PPM1B: variants seen among roughly 807,000 people sequenced by gnomAD.
PPM1B encodes protein phosphatase, Mg2+/Mn2+ dependent 1B, also known as protein phosphatase 1B.
Under a neutral mutation model 43.0 loss-of-function variants are expected in PPM1B, and 22 were observed. The ratio of observed to expected loss-of-function variants is 0.51; its 90% CI spans 0.37 to 0.73. PPM1B has a LOEUF of 0.73. Among genes scored for constraint, PPM1B ranks in the 30% least tolerant of loss-of-function variants. The pLI is 0.00. For synonymous variants in PPM1B, 217 were observed against 197.9 expected, an observed-to-expected ratio of 1.10 and a Z score of -0.81; for missense variants, 632 against 584.2, an observed-to-expected ratio of 1.08 and a Z score of -0.84.
intron 1 of PPM1B, among the ~76,000 whole-genome samples, chr2:44,175,042 C>T (rs1667516387): frequency 6.6e-6 from 1 of 152,092 alleles, no homozygotes; most frequent in South Asian, 2.1e-4. Context: ...ATTGTCTGAG[C>T]TCAGGAGTTC....
Position 44,231,386 on chromosome 2 carries a change from A to G in PPM1B, c.*668A>G. 1.0e-6 allele frequency: 1 copy of G among 973,050 alleles called. No homozygotes were observed. Among genetic ancestry groups the G allele is most frequent in the Non-Finnish European group, 1.2e-6 (1 of 818,764 alleles). 60.3% of individuals were successfully genotyped at this position (973,050 alleles called of 1,614,324 possible). A position where few individuals can be genotyped will look rare whatever the true frequency, so the allele number is the denominator to read the frequency against. ...TGTATATTCTGTATAGCCTAACTACACACATCAAAATGTATGTCAACCAAG... is the reference window on the plus strand; with the variant it reads ...TGTATATTCTGTATAGCCTAACTACGCACATCAAAATGTATGTCAACCAAG... On this transcript the variant is annotated 3_prime_UTR_variant, in exon 6 of 6. Coordinates refer to ENST00000282412, the MANE Select transcript of PPM1B (RefSeq NM_002706.6).
chr2:44,194,963 A>G (rs143281734), intron 1 of PPM1B, among the ~76,000 whole-genome samples: 1,833 of 149,368 alleles, frequency 0.012, 14 homozygotes, highest in Middle Eastern at 0.028. Context: ...CGGTGGCGCA[A>G]TCACTGCAGC....
chr2:44,234,261 C>G, downstream of PPM1B: 1 of 958,460 alleles, frequency 1.0e-6, no homozygotes, highest in Non-Finnish European at 1.2e-6. Flanking sequence ...TGGCTCACAC[C>G]TGTAATCCCA....
chr2:44,222,259 A>G (rs1670011065), intron 5 of PPM1B, among the ~76,000 whole-genome samples: 1 of 152,070 alleles, frequency 6.6e-6, no homozygotes, highest in South Asian at 2.1e-4. Context: ...ATACGGTGAA[A>G]GCTCAGTAAA....
intron 4 of PPM1B, among the ~76,000 whole-genome samples, 191 bp downstream of exon 4, chr2:44,218,269 T>C (rs1382869153): frequency 6.6e-6 from 1 of 152,202 alleles, no homozygotes; most frequent in African/African-American, 2.4e-5. Context: ...TATCATACTC[T>C]TTGAGTATGA....
intron 1 of PPM1B, among the ~76,000 whole-genome samples, chr2:44,182,549 C>T (rs1667931888): frequency 6.6e-6 from 1 of 152,206 alleles, no homozygotes; most frequent in African/African-American, 2.4e-5. Context: ...GAGTGAACCA[C>T]AGTGCCTGGC....
At chr2:44,187,061 A>C (rs57184508) in intron 1 of PPM1B, among the ~76,000 whole-genome samples, 2 of 152,190 alleles carry the variant, frequency 1.3e-5, no homozygotes, top group African/African-American at 4.8e-5. Flanking sequence ...CTGAAACTCT[A>C]TGCCCATTAA....
chr2:44,237,739 A>C (rs1037917515), downstream of PPM1B, among the ~76,000 whole-genome samples: 1 of 152,154 alleles, frequency 6.6e-6, no homozygotes, highest in African/African-American at 2.4e-5. Context: ...CCTATAATGC[A>C]TTTAAGATGA....
chr2:44,226,198 A>G (rs1471484641), intron 5 of PPM1B, among the ~76,000 whole-genome samples: 2 of 151,842 alleles, frequency 1.3e-5, no homozygotes, highest in East Asian at 1.9e-4. Context: ...GATGGTGTCC[A>G]TCTCTTGACC....
At chr2:44,240,821 C>T (rs1670728387) in intron 5 of PPM1B, among the ~76,000 whole-genome samples, 1 of 145,642 alleles carries the variant, frequency 6.9e-6, no homozygotes, top group African/African-American at 2.5e-5. Context: ...GAGTCCCGAG[C>T]TCCAGCAGCA....
chr2:44,214,256 T>G (rs1036161613), intron 3 of PPM1B, among the ~76,000 whole-genome samples: 1 of 152,148 alleles, frequency 6.6e-6, no homozygotes, highest in East Asian at 1.9e-4. Flanking sequence ...ATTTTTTGTA[T>G]TTTTAGTAGA....
chr2:44,205,891 A>AC (rs1328569113), intron 2 of PPM1B, among the ~76,000 whole-genome samples: 1 of 152,118 alleles, frequency 6.6e-6, no homozygotes, highest in Non-Finnish European at 1.5e-5. Context: ...AGAAAATGTA[A>AC]CCCCCTCAAT....
rs186936662 is a variant in PPM1B at position 44,227,643 on chromosome 2, C to T, written c.1135-2770C>T. On this transcript the variant is annotated intron_variant, in intron 5 of 5. Transcript: ENST00000282412. ...AAGCAATTCTCCTGCCTCAGCCTCC[C>T]GAGTAGCTGAGATTACTGATGCACA... 2.2e-3 allele frequency among the ~76,000 whole-genome samples: 336 copies of T among 151,418 alleles called. 2 individuals are homozygous for T. Among genetic ancestry groups the T allele is most frequent in the African/African-American group, 7.8e-3 (320 of 41,266 alleles).
At chr2:44,207,678 C>T (rs1200532002) in intron 2 of PPM1B, among the ~76,000 whole-genome samples, 1 of 150,614 alleles carries the variant, frequency 6.6e-6, no homozygotes, top group Non-Finnish European at 1.5e-5. Flanking sequence ...CAGGCTTAAG[C>T]GATCCTTCCA....
chr2:44,226,307 C>G (rs921498370), intron 5 of PPM1B, among the ~76,000 whole-genome samples: 2 of 152,038 alleles, frequency 1.3e-5, no homozygotes, highest in Non-Finnish European at 2.9e-5. Context: ...CTTCTCTTCC[C>G]CAACTGTCAC....
chr2:44,176,303 T>C (rs1044060297), intron 1 of PPM1B, among the ~76,000 whole-genome samples: 1 of 152,200 alleles, frequency 6.6e-6, no homozygotes, highest in South Asian at 2.1e-4. Context: ...CTATAAAATA[T>C]ATGTTGTCAT....
Position 44,224,729 on chromosome 2 carries a change from G to A in PPM1B, c.1135-5684G>A, listed in dbSNP as rs138973584. ...AACTAGGGTGGATGGGAGATGTCCT[G>A]AATTCTCATCTCAGTAATTGCCTTC... On this transcript the variant is annotated intron_variant, in intron 5 of 5. Coordinates refer to ENST00000282412, the MANE Select transcript of PPM1B (RefSeq NM_002706.6). Among the ~76,000 whole-genome samples, 53 of 152,108 alleles carry A rather than the reference G, an allele frequency of 3.5e-4. No individual in the cohort carries two copies. The East Asian group carries it at 9.3e-3, about 27-fold the overall frequency.
Position 44,217,148 on chromosome 2 carries a change from C to T in PPM1B, c.965-819C>T, listed in dbSNP as rs554899279. Among the ~76,000 whole-genome samples, 247 of 152,072 alleles carry T rather than the reference C, an allele frequency of 1.6e-3. 1 individual carries two copies. Among genetic ancestry groups the T allele is most frequent in the African/African-American group, 5.9e-3 (243 of 41,476 alleles). ...GGTGTGGTGGCTCATGCCTGTAATC[C>T]CAGCACTTTGGGAGGCCGAGGTGGG... On this transcript the variant is annotated intron_variant, in intron 3 of 5. Transcript: ENST00000282412.
rs1670453420 is a variant in PPM1B, at chr2:44,231,134, TTTTC to T, written c.*420_*423del. The stretch of plus-strand genomic sequence containing the variant: ...TAGTTAGCTTTGTAATAAATTTATG[TTTTC>T]TTTAATAATTTTAGTTCTTCAAAGA... On this transcript the variant is annotated 3_prime_UTR_variant, in exon 6 of 6. Coordinates refer to ENST00000282412, the MANE Select transcript of PPM1B (RefSeq NM_002706.6). 4.2e-6 allele frequency: 4 copies of T among 943,270 alleles called. No individual in the cohort carries two copies. In the African/African-American group the frequency reaches 7.1e-5, roughly 17 times the overall value. The allele number at this position is 943,270 out of a possible 1,614,324, so 58.4% of individuals were successfully genotyped here. A position where few individuals can be genotyped will look rare whatever the true frequency, so the allele number is the denominator to read the frequency against.
Sources: allele counts gnomAD v4.1 joint callset (sites outside exome capture counted in the v4.1 genomes callset), GRCh38; gene constraint gnomAD v4.1.1; transcripts MANE v1.5; gene names NCBI Gene and HGNC (gene_info 2026-07-23, HGNC 2026-07-21).